CFAP299: variants seen among roughly 807,000 people sequenced by gnomAD.
The protein encoded by CFAP299 is cilia- and flagella-associated protein 299.
CFAP299 carries 21 observed loss-of-function variants against 27.0 expected under a neutral mutation model. The ratio of observed to expected loss-of-function variants is 0.78; its 90% confidence interval spans 0.55 to 1.12. The LOEUF (loss-of-function observed/expected upper bound fraction) is 1.12, where lower values mean the gene tolerates loss of function less well. CFAP299 is among the 50% of genes most tolerant of loss of function. The probability of loss-of-function intolerance (pLI) is 0.00; values close to 1 mark genes in which losing one functional copy is unlikely to be tolerated. For missense variants in CFAP299, 310 were observed against 276.6 expected (o/e 1.12, Z -0.86); for synonymous variants, 104 against 98.1 (o/e 1.06, Z -0.36).
intron 3 of CFAP299, among the ~76,000 whole-genome samples, chr4:80,818,025 G>T (rs1014610731): frequency 6.6e-6 from 1 of 151,990 alleles, no homozygotes; most frequent in Admixed American, 6.6e-5. Flanking sequence ...AAGCCCCAGT[G>T]TGAGTGTGGT....
At chr4:80,474,813 T>C (rs1730191914) in intron 2 of CFAP299, among the ~76,000 whole-genome samples, 1 of 152,202 alleles carries the variant, frequency 6.6e-6, no homozygotes, top group Admixed American at 6.5e-5. Context: ...AAAGACGTGG[T>C]ACCTGTGTTC....
intron 2 of CFAP299, among the ~76,000 whole-genome samples, chr4:80,492,464 T>C (rs11937407): frequency 0.35 from 52,865 of 152,052 alleles, 11,069 homozygotes; most frequent in African/African-American, 0.59. Context: ...CTAGCAGTTT[T>C]GAGGATCCAG....
intron 5 of CFAP299, among the ~76,000 whole-genome samples, chr4:80,948,246 A>G (rs1044685532): frequency 6.6e-6 from 1 of 152,210 alleles, no homozygotes; most frequent in African/African-American, 2.4e-5. Flanking sequence ...GAATGGTAAC[A>G]GTGGAAACAG....
chr4:80,875,781 T>C (rs893840278), intron 4 of CFAP299, among the ~76,000 whole-genome samples: 1 of 151,990 alleles, frequency 6.6e-6, no homozygotes, highest in African/African-American at 2.4e-5. Context: ...TAACCACATA[T>C]AGTGATACCA....
At chr4:80,578,676 C>G (rs1379120842) in intron 2 of CFAP299, among the ~76,000 whole-genome samples, 2 of 152,112 alleles carry the variant, frequency 1.3e-5, no homozygotes, top group Non-Finnish European at 1.5e-5. Context: ...AGTTTTACAT[C>G]TGCTATTGGG....
At chr4:80,848,880 T>C (rs774446486) in intron 3 of CFAP299, among the ~76,000 whole-genome samples, 7 of 152,132 alleles carry the variant, frequency 4.6e-5, no homozygotes, top group Non-Finnish European at 8.8e-5. Flanking sequence ...TGGAAGTTGT[T>C]CTGGGTGAGT....
intron 2 of CFAP299, chr4:80,388,749 A>G (rs1174663021): frequency 7.9e-6 from 4 of 506,138 alleles, no homozygotes; most frequent in African/African-American, 6.1e-5. Flanking sequence ...TAATTAATCA[A>G]TAGATTTTTT....
intron 3 of CFAP299, among the ~76,000 whole-genome samples, chr4:80,712,623 CTT>C (rs1266186529): frequency 1.3e-5 from 2 of 152,058 alleles, no homozygotes; most frequent in Non-Finnish European, 2.9e-5. Flanking sequence ...TGAGTAAACT[CTT>C]AACTTTCAAA....
chr4:80,925,625 G>T (rs1303523634), intron 4 of CFAP299, among the ~76,000 whole-genome samples: 1 of 151,934 alleles, frequency 6.6e-6, no homozygotes, highest in African/African-American at 2.4e-5. Flanking sequence ...AGATTATTTG[G>T]TACAAGTGTA....
At chr4:80,709,238 G>A (rs1463404094) in intron 3 of CFAP299, among the ~76,000 whole-genome samples, 2 of 152,106 alleles carry the variant, frequency 1.3e-5, no homozygotes, top group African/African-American at 4.8e-5. Flanking sequence ...CCTTTGTAAA[G>A]GATGTGGCTT....
intron 3 of CFAP299, among the ~76,000 whole-genome samples, chr4:80,710,850 C>G (rs1722120750): frequency 6.6e-6 from 1 of 151,968 alleles, no homozygotes; most frequent in Non-Finnish European, 1.5e-5. Flanking sequence ...CTTTTTTGTA[C>G]CTGGGACTTC....
chr4:80,794,583 AC>A (rs1727749765), intron 3 of CFAP299, among the ~76,000 whole-genome samples: 1 of 152,174 alleles, frequency 6.6e-6, no homozygotes, highest in Non-Finnish European at 1.5e-5. Flanking sequence ...ATGATGGGGA[AC>A]ATAGTAAGAC....
At chr4:80,883,752 C>T (rs1350325138) in intron 4 of CFAP299, among the ~76,000 whole-genome samples, 8 of 152,130 alleles carry the variant, frequency 5.3e-5, no homozygotes, top group Admixed American at 5.2e-4. Context: ...AATATGCACT[C>T]AGAGCTCTTA....
At chr4:80,689,621 G>A (rs1330005624) in intron 3 of CFAP299, among the ~76,000 whole-genome samples, 1 of 152,142 alleles carries the variant, frequency 6.6e-6, no homozygotes, top group Non-Finnish European at 1.5e-5. Flanking sequence ...AGACTAGGCA[G>A]AAACTGCATC....
chr4:80,425,631 T>A (rs1017041161), intron 2 of CFAP299, among the ~76,000 whole-genome samples: 2 of 152,238 alleles, frequency 1.3e-5, no homozygotes, highest in Non-Finnish European at 2.9e-5. Flanking sequence ...TTGTTTCCCA[T>A]GAAAGGGAAA....
chr4:80,730,228 T>TTC (rs569112636), intron 3 of CFAP299, among the ~76,000 whole-genome samples: 9,791 of 133,730 alleles, frequency 0.073, 520 homozygotes, highest in African/African-American at 0.16. Context: ...AGGTCTCTCT[T>TTC]TCTCTCTCTC....
chr4:80,379,273 A>G, intron 2 of CFAP299, among the ~76,000 whole-genome samples: 1 of 152,006 alleles, frequency 6.6e-6, no homozygotes, highest in East Asian at 1.9e-4. Context: ...AAGTGTAGGG[A>G]TATTCATTTT....
chr4:80,453,841 AAAT>A (rs10692004), intron 2 of CFAP299, among the ~76,000 whole-genome samples: 13,996 of 135,856 alleles, frequency 0.1, 798 homozygotes, highest in East Asian at 0.18. Context: ...ACCCTGTCTC[AAAT>A]AATAATAATA....
intron 3 of CFAP299, among the ~76,000 whole-genome samples, chr4:80,661,974 C>T (rs1033414516): frequency 3.9e-5 from 6 of 152,108 alleles, no homozygotes; most frequent in East Asian, 1.9e-4. Flanking sequence ...CTTATTAGGA[C>T]GAGGAAATTC....
Sources: gnomAD v4.1 joint callset for allele counts (sites outside exome capture counted in the v4.1 genomes callset) on GRCh38, gnomAD v4.1.1 for gene constraint, MANE v1.5 for transcripts, NCBI Gene and HGNC (gene_info 2026-07-23, HGNC 2026-07-21) for gene names.